The following EMC8 variants were observed in gnomAD, a reference collection of about 807,000 sequenced individuals.
The protein encoded by EMC8 is ER membrane protein complex subunit 8, also known as COX4 neighbor.
Under a neutral mutation model 24.3 loss-of-function variants are expected in EMC8, and 11 were observed. That is an observed-to-expected ratio of 0.45 (90% confidence interval 0.28 to 0.75). The LOEUF (loss-of-function observed/expected upper bound fraction) is 0.75, where lower values mean the gene tolerates loss of function less well. Among genes scored for constraint, EMC8 ranks in the 30% least tolerant of loss-of-function variants. The probability of loss-of-function intolerance (pLI) is 0.12; values close to 1 mark genes in which losing one functional copy is unlikely to be tolerated. For missense variants in EMC8, 277 were observed against 282.7 expected (o/e 0.98, Z 0.14); for synonymous variants, 145 against 117.7 (o/e 1.23, Z -1.50).
chr16:85,785,020 T>G (rs532314080), intron 2 of EMC8: 1 of 152,364 alleles, frequency 6.6e-6, no homozygotes, highest in South Asian at 2.1e-4. Flanking sequence ...AGATCATGGC[T>G]CACTGCAGCC....
intron 1 of EMC8, among the ~76,000 whole-genome samples, chr16:85,795,555 A>G (rs1400022446): frequency 6.6e-6 from 1 of 151,420 alleles, no homozygotes; most frequent in African/African-American, 2.4e-5. Flanking sequence ...TAAGACCTCC[A>G]GGAGAGGGTC....
At position 85,798,837 on chromosome 16, in the gene EMC8, T is replaced by G. The variant is rs1905416774; in HGVS notation, c.231+228A>C. 13 of 484,248 alleles carry G rather than the reference T, an allele frequency of 2.7e-5. No individual in the cohort carries two copies. In the South Asian group the frequency reaches 3.4e-4, roughly 13 times the overall value. The allele number at this position is 484,248 out of a possible 1,614,324, so 30.0% of individuals were successfully genotyped here. A position where few individuals can be genotyped will look rare whatever the true frequency, so the allele number is the denominator to read the frequency against. On this transcript the variant is annotated intron_variant, in intron 1 of 4. Transcript: ENST00000253457. ...TAACGTATAACTCGTCGCCTTAAAG[T>G]GCCTCTAAAAGCATCCACGACGGTT...
chr16:85,783,647 G>C (rs1904615819), intron 2 of EMC8, among the ~76,000 whole-genome samples: 1 of 152,176 alleles, frequency 6.6e-6, no homozygotes, highest in Non-Finnish European at 1.5e-5. Context: ...GCTACCGTGT[G>C]CAGCCACAGG....
chr16:85,798,799 G>A, intron 1 of EMC8: 1 of 433,902 alleles, frequency 2.3e-6, no homozygotes, highest in Non-Finnish European at 4.1e-6. Context: ...AAAGGCTACT[G>A]ATTTCAGGAA....
chr16:85,793,439 T>C (rs1905100193), intron 1 of EMC8, among the ~76,000 whole-genome samples: 1 of 152,006 alleles, frequency 6.6e-6, no homozygotes, highest in African/African-American at 2.4e-5. Context: ...GTGGGAACCA[T>C]GAAAGAAGAG....
intron 1 of EMC8, among the ~76,000 whole-genome samples, chr16:85,795,612 T>C (rs1408302859): frequency 1.3e-5 from 2 of 152,116 alleles, no homozygotes; most frequent in East Asian, 1.9e-4. Flanking sequence ...GAAGCTCCCA[T>C]AAAAACCCAA....
chr16:85,779,333 C>CTTT lies in EMC8; in HGVS notation c.*372_*374dup, dbSNP rs66645296. 5 of 152,402 alleles carry CTTT rather than the reference C, an allele frequency of 3.3e-5. No homozygotes were observed. The highest frequency in any genetic ancestry group is 3.8e-4 in the East Asian group (2 of 5,266). The allele number at this position is 152,402 out of a possible 1,614,324, so 9.4% of individuals were successfully genotyped here. A position where few individuals can be genotyped will look rare whatever the true frequency, so the allele number is the denominator to read the frequency against. On this transcript the variant is annotated 3_prime_UTR_variant, in exon 5 of 5. Transcript: ENST00000253457. ...CACTCATTGGAGTATAAGATGTGGGCTTTTTTTTTTTTTTTTAAAAAAAGA... is the reference window on the plus strand; with the variant it reads ...CACTCATTGGAGTATAAGATGTGGGCTTTTTTTTTTTTTTTTTTTAAAAAAAGA...
At chr16:85,794,407 G>A (rs1371036686) in intron 1 of EMC8, among the ~76,000 whole-genome samples, 1 of 152,108 alleles carries the variant, frequency 6.6e-6, no homozygotes, top group African/African-American at 2.4e-5. Flanking sequence ...GAAAAGTCAG[G>A]GCTGAGTGCG....
At chr16:85,783,204 G>A (rs557616410) in intron 2 of EMC8, among the ~76,000 whole-genome samples, 16 of 152,322 alleles carry the variant, frequency 1.1e-4, no homozygotes, top group African/African-American at 2.9e-4. Context: ...TCCGGAGGCT[G>A]AGGCAGGAGA....
At chr16:85,797,931 C>A (rs1486816191) in intron 1 of EMC8, among the ~76,000 whole-genome samples, 1 of 152,076 alleles carries the variant, frequency 6.6e-6, no homozygotes, top group African/African-American at 2.4e-5. Flanking sequence ...TATAGATGGT[C>A]TTTTTCCCTT....
chr16:85,788,044 T>C (rs1904833438), intron 2 of EMC8, among the ~76,000 whole-genome samples: 1 of 152,208 alleles, frequency 6.6e-6, no homozygotes, highest in Non-Finnish European at 1.5e-5. Context: ...GGGTCGGCTC[T>C]ATCTGACAAC....
At chr16:85,798,441 T>G (rs1905373369) in intron 1 of EMC8, among the ~76,000 whole-genome samples, 1 of 152,090 alleles carries the variant, frequency 6.6e-6, no homozygotes, top group Non-Finnish European at 1.5e-5. Flanking sequence ...TTCTTTAGCT[T>G]TTAAAAGCCA....
intron 4 of EMC8, 72 bp from the exon 5 acceptor site, chr16:85,779,939 A>C: frequency 2.3e-6 from 3 of 1,324,234 alleles, no homozygotes; most frequent in Non-Finnish European, 3.2e-6. Flanking sequence ...TCAAGAGAGA[A>C]GGCCAGCCAC....
chr16:85,796,246 C>A lies in EMC8; in HGVS notation c.231+2819G>T, dbSNP rs543890284. On this transcript the variant is annotated intron_variant, in intron 1 of 4. Coordinates refer to ENST00000253457, the MANE Select transcript of EMC8 (RefSeq NM_006067.5). ...CCTGTTTCTCTGCCTCTTCCCTCAA[C>A]AAATGGCACCAGTGCACCATCGTCC... 7.9e-4 allele frequency among the ~76,000 whole-genome samples: 120 copies of A among 152,248 alleles called. 1 individual carries two copies. The highest frequency in any genetic ancestry group is 6.8e-3 in the Middle Eastern group (2 of 294).
chr16:85,786,879 G>A (rs896211802), intron 2 of EMC8, among the ~76,000 whole-genome samples: 2 of 152,188 alleles, frequency 1.3e-5, no homozygotes, highest in African/African-American at 2.4e-5. Flanking sequence ...GAGCATAGGA[G>A]AGCCTGCGCA....
intron 1 of EMC8, chr16:85,792,535 G>A (rs914172958): frequency 1.3e-5 from 2 of 152,208 alleles, no homozygotes; most frequent in Admixed American, 6.6e-5. Context: ...GCGGCAGGGT[G>A]GATGAGTTCT....
chr16:85,789,751 C>G (rs1904919124), intron 1 of EMC8, among the ~76,000 whole-genome samples: 1 of 151,404 alleles, frequency 6.6e-6, no homozygotes, highest in South Asian at 2.1e-4. Flanking sequence ...AAGATCATGC[C>G]ACTGCACTCC....
intron 1 of EMC8, among the ~76,000 whole-genome samples, chr16:85,791,370 T>C (rs1162964018): frequency 6.6e-6 from 1 of 152,208 alleles, no homozygotes; most frequent in Non-Finnish European, 1.5e-5. Flanking sequence ...GTTACATAGG[T>C]ATCCATGTGT....
At position 85,780,453 on chromosome 16, in the gene EMC8, C is replaced by T. The variant is rs369535502; in HGVS notation, c.399G>A (p.Thr133=). 2.7e-5 allele frequency: 44 copies of T among 1,613,902 alleles called. No homozygotes were observed. Among genetic ancestry groups the T allele is most frequent in the South Asian group, 4.4e-5 (4 of 91,074 alleles). ...GGATCGTAGGCGCTACGCAGTCCAT[C>T]GTAAACTTGGTGTTGTCTACCTGAG... ...ALIMVDNTKF[T]MDCVAPTIHV... Residue 133 remains threonine, a synonymous_variant, in exon 4 of 5, where the codon ACG becomes ACA. Transcript: ENST00000253457.
Sources: gnomAD v4.1 joint callset for allele counts (sites outside exome capture counted in the v4.1 genomes callset) on GRCh38, gnomAD v4.1.1 for gene constraint, MANE v1.5 for transcripts, NCBI Gene and HGNC (gene_info 2026-07-23, HGNC 2026-07-21) for gene names.